Variants in ENPP3 observed in about 807,000 individuals in gnomAD.
ENPP3 encodes the protein ectonucleotide pyrophosphatase/phosphodiesterase 3, also known as ectonucleotide pyrophosphatase/phosphodiesterase family member 3.
A neutral mutation model predicts 117.8 loss-of-function variants in ENPP3; 104 were observed. That is an observed-to-expected ratio of 0.88 (90% CI 0.75 to 1.04). The LOEUF is 1.04. Ranked by LOEUF, ENPP3 falls within the 50% of genes least tolerant of loss-of-function variation. ENPP3 has a pLI of 0.00. For missense variants in ENPP3, 1,026 were observed against 1,051.9 expected, an observed-to-expected ratio of 0.98 and a Z score of 0.34; for synonymous variants, 380 against 349.9, an observed-to-expected ratio of 1.09 and a Z score of -0.96.
intron 2 of ENPP3, among the ~76,000 whole-genome samples, chr6:131,645,416 T>C (rs1157010887): frequency 1.3e-5 from 2 of 152,230 alleles, no homozygotes; most frequent in African/African-American, 4.8e-5. Context: ...TTCATTTTAG[T>C]TTCTATTTCT....
intron 6 of ENPP3, among the ~76,000 whole-genome samples, chr6:131,670,738 C>T (rs923337205): frequency 1.1e-4 from 16 of 152,104 alleles, no homozygotes; most frequent in Non-Finnish European, 1.5e-4. Flanking sequence ...AGTGATCTGC[C>T]GTCTCAGCCT....
rs1456568360 is a variant in ENPP3 at position 131,652,527 on chromosome 6, T to A, written c.278-15T>A. The A allele has an allele frequency of 6.2e-7, 1 of 1,613,630 alleles. No homozygotes were observed. The highest frequency in any genetic ancestry group is 8.5e-7 in the Non-Finnish European group (1 of 1,179,666). ...CAGGCTTAAATGCTCAGAACTGAAT[T>A]GTATCGTTTTACAGCTCGAATATGG... On this transcript the variant is annotated splice_polypyrimidine_tract_variant and intron_variant, in intron 3 of 24. Transcript: ENST00000357639.
intron 5 of ENPP3, among the ~76,000 whole-genome samples, chr6:131,653,861 G>A (rs1215614705): frequency 1.3e-5 from 2 of 152,134 alleles, no homozygotes; most frequent in South Asian, 2.1e-4. Flanking sequence ...GAACACGTGA[G>A]GTGACACTCC....
intron 5 of ENPP3, 92 bp downstream of exon 5, chr6:131,652,983 C>T: frequency 1.2e-6 from 1 of 822,348 alleles, no homozygotes. Context: ...GAATTTCCCC[C>T]AATTCATGTA....
At chr6:131,654,296 G>C (rs61130959) in intron 5 of ENPP3, among the ~76,000 whole-genome samples, 25,403 of 151,242 alleles carry the variant, frequency 0.17, 3,134 homozygotes, top group East Asian at 0.4. Context: ...ACCACATGCA[G>C]CTAAACATTT....
chr6:131,663,067 G>A (rs191948061), intron 6 of ENPP3, among the ~76,000 whole-genome samples: 132 of 151,492 alleles, frequency 8.7e-4, no homozygotes, highest in South Asian at 1.5e-3. Flanking sequence ...TTTATTTAGA[G>A]CTTTCAGTAT....
chr6:131,729,056 A>G (rs1314717211), intron 20 of ENPP3, among the ~76,000 whole-genome samples: 1 of 152,248 alleles, frequency 6.6e-6, no homozygotes, highest in South Asian at 2.1e-4. Context: ...CTGTCTCCCT[A>G]TGTATCTATG....
intron 24 of ENPP3, among the ~76,000 whole-genome samples, chr6:131,744,831 A>ACACC (rs1780600667): frequency 6.6e-6 from 1 of 152,064 alleles, no homozygotes; most frequent in African/African-American, 2.4e-5. Context: ...ACACACACAC[A>ACACC]CACATATAAA....
At chr6:131,678,963 TTCCTTCCTTCC>T (rs1778944359) in intron 11 of ENPP3, among the ~76,000 whole-genome samples, 1 of 93,206 alleles carries the variant, frequency 1.1e-5, no homozygotes, top group Non-Finnish European at 1.9e-5. Flanking sequence ...CTTTCTTTCC[TTCCTTCCTTCC>T]TTCCTTCCTT....
chr6:131,668,494 C>T (rs1486738681), intron 6 of ENPP3, among the ~76,000 whole-genome samples: 3 of 152,070 alleles, frequency 2.0e-5, no homozygotes, highest in Admixed American at 6.6e-5. Flanking sequence ...GGATTACAGA[C>T]GTGAGCACCG....
At chr6:131,744,170 T>G (rs1562486424) in intron 24 of ENPP3, among the ~76,000 whole-genome samples, 1 of 152,252 alleles carries the variant, frequency 6.6e-6, no homozygotes, top group Non-Finnish European at 1.5e-5. Context: ...GTGTAAGGAA[T>G]TAGATCATAT....
At chr6:131,652,489 A>G (rs1778283673) in intron 3 of ENPP3, 53 bp from the exon 4 acceptor site, 11 of 1,548,610 alleles carry the variant, frequency 7.1e-6, no homozygotes, top group Non-Finnish European at 9.7e-6. Flanking sequence ...TGAAATTTGT[A>G]TATTTTATAC....
At chr6:131,654,267 G>C (rs960645506) in intron 5 of ENPP3, among the ~76,000 whole-genome samples, 1 of 151,948 alleles carries the variant, frequency 6.6e-6, no homozygotes, top group Non-Finnish European at 1.5e-5. Context: ...GTAAGTATTT[G>C]AGACTACAGG....
intron 19 of ENPP3, among the ~76,000 whole-genome samples, chr6:131,724,668 T>G (rs1308138427): frequency 1.3e-5 from 2 of 152,056 alleles, no homozygotes; most frequent in East Asian, 3.9e-4. Flanking sequence ...ATTACATGAG[T>G]TAATATATGT....
intron 11 of ENPP3, among the ~76,000 whole-genome samples, chr6:131,679,267 G>A (rs1481785249): frequency 6.6e-6 from 1 of 151,478 alleles, no homozygotes; most frequent in African/African-American, 2.4e-5. Flanking sequence ...GCTAATTTTT[G>A]TATTTTTAGT....
chr6:131,687,434 C>A (rs1779177109), intron 14 of ENPP3, among the ~76,000 whole-genome samples: 1 of 152,188 alleles, frequency 6.6e-6, no homozygotes, highest in African/African-American at 2.4e-5. Context: ...AGGAAATACT[C>A]TTCTTGACAT....
intron 9 of ENPP3, among the ~76,000 whole-genome samples, chr6:131,675,555 C>T (rs561700305): frequency 4.1e-4 from 63 of 152,206 alleles, no homozygotes; most frequent in African/African-American, 1.4e-3. Context: ...CAGCCAGGTG[C>T]GGTGGCTCAT....
chr6:131,692,921 CACTATATATG>C (rs1779316069), intron 14 of ENPP3, among the ~76,000 whole-genome samples: 1 of 140,440 alleles, frequency 7.1e-6, no homozygotes, highest in African/African-American at 2.6e-5. Flanking sequence ...ATATATTATA[CACTATATATG>C]ATATATAGTT....
chr6:131,677,732 G>A (rs1778901489), intron 10 of ENPP3, 136 bp from the exon 11 acceptor site: 1 of 593,388 alleles, frequency 1.7e-6, no homozygotes, highest in Non-Finnish European at 3.0e-6. Flanking sequence ...GAACTACTGG[G>A]TCTGAACAAG....
Sources: allele counts gnomAD v4.1 joint callset (sites outside exome capture counted in the v4.1 genomes callset), GRCh38; gene constraint gnomAD v4.1.1; transcripts MANE v1.5; gene names NCBI Gene and HGNC (gene_info 2026-07-23, HGNC 2026-07-21).